The following GALNT14 variants were observed in gnomAD, a reference collection of about 807,000 sequenced individuals.
GALNT14 encodes polypeptide N-acetylgalactosaminyltransferase 14.
GALNT14 carries 60 observed loss-of-function variants against 77.5 expected under a neutral mutation model. That is an observed-to-expected ratio of 0.77 (90% CI 0.63 to 0.96). The LOEUF is 0.96. GALNT14 is among the 40% of genes least tolerant of loss of function. The pLI is 0.00. For missense variants in GALNT14, 710 were observed against 731.0 expected (o/e 0.97, Z 0.33); for synonymous variants, 280 against 281.7 (o/e 0.99, Z 0.06).
At chr2:30,906,027 C>T (rs1664133788), downstream of GALNT14, among the ~76,000 whole-genome samples, 1 of 149,928 alleles carries the variant, frequency 6.7e-6, no homozygotes, top group African/African-American at 2.5e-5. Flanking sequence ...ATTTTGTCAC[C>T]ACCAGGCCTG....
intron 1 of GALNT14, among the ~76,000 whole-genome samples, chr2:31,020,890 T>C (rs961071956): frequency 1.3e-5 from 2 of 152,226 alleles, no homozygotes; most frequent in African/African-American, 4.8e-5. Context: ...TGCACATTTC[T>C]ATAATGCCAA....
Position 31,076,629 on chromosome 2 carries a change from ATTT to A in GALNT14, c.129+61326_129+61328del, listed in dbSNP as rs35108670. ...TGTGTATACATATATATATATATAT[ATTT>A]TTTTTTTTTTTACATGTACATATAC... is the stretch of plus-strand genomic sequence containing the variant. On this transcript the variant is annotated intron_variant, in intron 1 of 14. Coordinates refer to ENST00000349752, the MANE Select transcript of GALNT14 (RefSeq NM_024572.4). Among the ~76,000 whole-genome samples, 677 of 101,912 alleles carry A rather than the reference ATTT, an allele frequency of 6.6e-3. 3 individuals carry two copies. The highest frequency in any genetic ancestry group is 0.012 in the African/African-American group (391 of 32,252). 66.9% of individuals were successfully genotyped at this position (101,912 alleles called of 152,430 possible).
chr2:31,086,334 C>G (rs1676428358), intron 1 of GALNT14, among the ~76,000 whole-genome samples: 3 of 152,214 alleles, frequency 2.0e-5, no homozygotes, highest in Non-Finnish European at 4.4e-5. Flanking sequence ...CCCTACTGAG[C>G]AGGTCCCTGC....
At chr2:31,021,993 G>A (rs1023101838) in intron 1 of GALNT14, among the ~76,000 whole-genome samples, 1 of 152,208 alleles carries the variant, frequency 6.6e-6, no homozygotes, top group East Asian at 1.9e-4. Flanking sequence ...GGTAAGTTGT[G>A]TATGCAGTGA....
At chr2:30,978,237 T>C (rs1395700144) in intron 2 of GALNT14, among the ~76,000 whole-genome samples, 2 of 152,206 alleles carry the variant, frequency 1.3e-5, no homozygotes, top group Admixed American at 6.5e-5. Flanking sequence ...CTGCCCAAAC[T>C]GTCACTGTTG....
Position 30,929,409 on chromosome 2 carries a change from C to G in GALNT14, c.1137G>C (p.Glu379Asp). The stretch of plus-strand genomic sequence containing the variant: ...GGGACACTTACTTCCCGAAGGGCCT[C>G]TCCAGGGCGAATGGCCGGGCAGCGT... Reference protein sequence around the residue: ...YYYAARPFALERPFGNVESRL... With the variant: ...YYYAARPFALDRPFGNVESRL... Residue 379 changes from glutamate to aspartate, a missense_variant, in exon 11 of 15, where the codon GAG becomes GAC. Physicochemically the swap from Glu to Asp is conservative, Grantham distance 45 (BLOSUM62 2). Coordinates refer to ENST00000349752, the MANE Select transcript of GALNT14 (RefSeq NM_024572.4). 6.2e-7 allele frequency: 1 copy of G among 1,614,072 alleles called. No homozygotes were observed. Among genetic ancestry groups the G allele is most frequent in the Non-Finnish European group, 8.5e-7 (1 of 1,179,924 alleles).
intron 1 of GALNT14, among the ~76,000 whole-genome samples, chr2:31,058,693 C>A (rs1233549674): frequency 6.6e-6 from 1 of 152,150 alleles, no homozygotes; most frequent in Non-Finnish European, 1.5e-5. Context: ...GCCAAGAATC[C>A]CCACATCTGG....
intron 1 of GALNT14, among the ~76,000 whole-genome samples, chr2:31,137,175 G>A (rs1008728175): frequency 1.2e-4 from 18 of 152,340 alleles, no homozygotes; most frequent in African/African-American, 3.6e-4. Flanking sequence ...TTTGTCAACT[G>A]ATTTTCAGTG....
intron 1 of GALNT14, among the ~76,000 whole-genome samples, chr2:31,061,128 A>G (rs569983896): frequency 6.6e-6 from 1 of 152,094 alleles, no homozygotes; most frequent in South Asian, 2.1e-4. Flanking sequence ...CCTGAGCTCA[A>G]CCCCTTACCA....
chr2:31,011,098 C>T (rs1279016794), intron 1 of GALNT14, among the ~76,000 whole-genome samples: 1 of 152,190 alleles, frequency 6.6e-6, no homozygotes, highest in Non-Finnish European at 1.5e-5. Context: ...GGTGGACACC[C>T]ACGAGAGCTG....
At chr2:31,015,757 C>A (rs1313758023) in intron 1 of GALNT14, among the ~76,000 whole-genome samples, 1 of 152,154 alleles carries the variant, frequency 6.6e-6, no homozygotes, top group East Asian at 1.9e-4. Flanking sequence ...ATCAGACAAA[C>A]CCAATGGAGA....
At chr2:30,923,386 T>C (rs1329449586) in intron 13 of GALNT14, among the ~76,000 whole-genome samples, 2 of 152,130 alleles carry the variant, frequency 1.3e-5, no homozygotes, top group African/African-American at 4.8e-5. Flanking sequence ...CCAAGTGCTA[T>C]GAGACAGGCT....
At chr2:30,911,163 G>A (rs1664336301) in intron 14 of GALNT14, 104 bp from the exon 15 acceptor site, 2 of 1,007,434 alleles carry the variant, frequency 2.0e-6, no homozygotes, top group South Asian at 3.2e-5. Context: ...GTCACTGAGA[G>A]ACTTGATTTC....
rs534351536 is a variant in GALNT14, at chr2:30,922,478, T to A, written c.1380+1641A>T. On this transcript the variant is annotated intron_variant, in intron 13 of 14. Transcript: ENST00000349752. The stretch of plus-strand genomic sequence containing the variant: ...CCTCACCGTCTGCTGCTCCTTCCCC[T>A]CACATCCCACTCTCCAACCCTACTC... 4.6e-5 allele frequency among the ~76,000 whole-genome samples: 7 copies of A among 152,312 alleles called. No individual in the cohort carries two copies. In the East Asian group the frequency reaches 1.2e-3, roughly 25 times the overall value.
At chr2:31,129,051 T>C (rs946648923) in intron 1 of GALNT14, among the ~76,000 whole-genome samples, 1 of 152,118 alleles carries the variant, frequency 6.6e-6, no homozygotes. Context: ...TAGCTTTTTG[T>C]CCATATGAAA....
chr2:30,887,255 G>A, the GALNT14 span, among the ~76,000 whole-genome samples: 1 of 151,928 alleles, frequency 6.6e-6, no homozygotes, highest in East Asian at 1.9e-4. Flanking sequence ...AAATTCCTAG[G>A]TCAAATGGTA....
intron 1 of GALNT14, among the ~76,000 whole-genome samples, chr2:31,014,542 G>T (rs2148447720): frequency 6.6e-6 from 1 of 152,296 alleles, no homozygotes; most frequent in South Asian, 2.1e-4. Context: ...GGATCCAGCT[G>T]CTTGCCAGTG....
chr2:31,001,453 G>A (rs1280553188), intron 1 of GALNT14, among the ~76,000 whole-genome samples: 1 of 152,118 alleles, frequency 6.6e-6, no homozygotes, highest in Non-Finnish European at 1.5e-5. Context: ...CTCCCAAAAG[G>A]TGGAAAAGCT....
chr2:31,127,970 C>G (rs1232575501), intron 1 of GALNT14, among the ~76,000 whole-genome samples: 1 of 151,954 alleles, frequency 6.6e-6, no homozygotes, highest in Non-Finnish European at 1.5e-5. Flanking sequence ...GGGAAAAGGA[C>G]AAGAGTAAAA....
Sources: gnomAD v4.1 joint callset for allele counts (sites outside exome capture counted in the v4.1 genomes callset) on GRCh38, gnomAD v4.1.1 for gene constraint, MANE v1.5 for transcripts, NCBI Gene and HGNC (gene_info 2026-07-23, HGNC 2026-07-21) for gene names.